The following TFDP1 variants were observed in gnomAD, a reference collection of about 807,000 sequenced individuals.
TFDP1 encodes DRTF1-polypeptide 1.
A neutral mutation model predicts 48.0 loss-of-function variants in TFDP1; 6 were observed. That is an observed-to-expected ratio of 0.13 (90% confidence interval 0.07 to 0.25). The LOEUF is 0.25. TFDP1 is among the 10% of genes least tolerant of loss of function. The probability of loss-of-function intolerance (pLI) is 1.00; values close to 1 mark genes in which losing one functional copy is unlikely to be tolerated. For missense variants in TFDP1, 335 were observed against 543.0 expected (o/e 0.62, Z 3.81); for synonymous variants, 201 against 211.6 (o/e 0.95, Z 0.44).
intron 2 of TFDP1, among the ~76,000 whole-genome samples, chr13:113,591,475 C>T (rs1461963781): frequency 6.6e-6 from 1 of 151,900 alleles, no homozygotes; most frequent in African/African-American, 2.4e-5. Flanking sequence ...TTTGTTAGCT[C>T]TTTACTTTTG....
rs959854755 is a variant in TFDP1 at position 113,638,117 on chromosome 13, T to G, written c.1085+221T>G. On this transcript the variant is annotated intron_variant, in intron 11 of 11. Coordinates refer to ENST00000375370, the MANE Select transcript of TFDP1 (RefSeq NM_007111.5). ...AAAAACTGAAAGTAATACATGGTGG[T>G]TTTTTTTTCATAGTATCACCTAATA... Among the ~76,000 whole-genome samples the G allele has an allele frequency of 7.9e-5, 12 of 151,498 alleles. No individual in the cohort carries two copies. The East Asian group carries it at 1.2e-3, about 15-fold the overall frequency.
intron 2 of TFDP1, among the ~76,000 whole-genome samples, chr13:113,593,487 C>T (rs1471690913): frequency 2.9e-5 from 4 of 137,306 alleles, no homozygotes; most frequent in Admixed American, 1.5e-4. Context: ...GGTCCTCAGC[C>T]GTGCCCAGGT....
intron 4 of TFDP1, 148 bp from the exon 5 acceptor site, chr13:113,631,475 C>T: frequency 1.0e-6 from 1 of 989,856 alleles, no homozygotes; most frequent in South Asian, 2.5e-5. Context: ...AAAGCGTCCA[C>T]CGCTGGACGT....
chr13:113,634,068 CT>C lies in TFDP1; in HGVS notation c.618+37del, dbSNP rs752706373. Reference sequence around the variant, plus strand: ...CAGCCTTCCTTCAACCTTGATTTCCCTTCAAGTCCGTGTAGATGTTTTAGTC... The same window carrying C: ...CAGCCTTCCTTCAACCTTGATTTCCCTCAAGTCCGTGTAGATGTTTTAGTC... On this transcript the variant is annotated intron_variant, in intron 7 of 11. Transcript: ENST00000375370. The C allele has an allele frequency of 6.2e-6, 10 of 1,613,836 alleles. No individual in the cohort carries two copies. The African/African-American group carries it at 1.3e-4, about 22-fold the overall frequency.
intron 2 of TFDP1, among the ~76,000 whole-genome samples, chr13:113,587,689 G>A (rs1177779137): frequency 6.6e-6 from 1 of 152,024 alleles, no homozygotes; most frequent in Non-Finnish European, 1.5e-5. Flanking sequence ...GTTTCACCAT[G>A]TTGCCCAGGC....
rs573377111 is a variant in TFDP1 at position 113,634,986 on chromosome 13, CAGAT to C, written c.687+385_687+388del. On this transcript the variant is annotated intron_variant, in intron 8 of 11. Coordinates refer to ENST00000375370, the MANE Select transcript of TFDP1 (RefSeq NM_007111.5). ...TCACAGCATCTAAATAGGCAAAAGA[CAGAT>C]GGAGGGATGACTTCATGCAAAAGCA... Among the ~76,000 whole-genome samples, 236 of 152,344 alleles carry C rather than the reference CAGAT, an allele frequency of 1.5e-3. 1 individual carries two copies. The highest frequency in any genetic ancestry group is 5.3e-3 in the African/African-American group (222 of 41,580).
At chr13:113,632,984 G>C in intron 5 of TFDP1, 136 bp from the exon 6 acceptor site, 1 of 1,071,524 alleles carries the variant, frequency 9.3e-7, no homozygotes, top group Non-Finnish European at 1.3e-6. Context: ...CTGCTCACGT[G>C]TTGGATCTGC....
At chr13:113,626,106 T>C (rs1412113194) in intron 4 of TFDP1, among the ~76,000 whole-genome samples, 2 of 143,988 alleles carry the variant, frequency 1.4e-5, no homozygotes, top group Non-Finnish European at 3.0e-5. Flanking sequence ...CTCAGGTGTC[T>C]CTCACGTGTC....
At chr13:113,597,669 T>A (rs2048318914) in intron 2 of TFDP1, among the ~76,000 whole-genome samples, 1 of 151,894 alleles carries the variant, frequency 6.6e-6, no homozygotes, top group Non-Finnish European at 1.5e-5. Context: ...TTCAAAAGAG[T>A]GAACATAAGG....
At chr13:113,602,750 G>A (rs1056453322) in intron 2 of TFDP1, among the ~76,000 whole-genome samples, 3 of 152,112 alleles carry the variant, frequency 2.0e-5, no homozygotes, top group African/African-American at 4.8e-5. Flanking sequence ...AGAAGTGTGC[G>A]GCCCTGGCGT....
intron 2 of TFDP1, among the ~76,000 whole-genome samples, chr13:113,604,257 G>A (rs1404885821): frequency 6.6e-6 from 1 of 152,056 alleles, no homozygotes; most frequent in African/African-American, 2.4e-5. Flanking sequence ...AATGCAAGGA[G>A]GACCCACATG....
chr13:113,640,246 C>T lies in TFDP1; in HGVS notation c.1212C>T (p.Asn404=), dbSNP rs765446587. 5.6e-6 allele frequency: 9 copies of T among 1,612,750 alleles called. No homozygotes were observed. The highest frequency in any genetic ancestry group is 5.5e-5 in the South Asian group (5 of 90,844). ...GEDDEEDDDF[N]ENDEDD ...ACGACGAGGAGGACGATGACTTCAA[C>T]GAGAATGACGAGGACGACTGACGTC... is the stretch of plus-strand genomic sequence containing the variant. Residue 404 remains asparagine, a synonymous_variant, in exon 12 of 12, where the codon AAC becomes AAT. Coordinates refer to ENST00000375370, the MANE Select transcript of TFDP1 (RefSeq NM_007111.5).
intron 2 of TFDP1, among the ~76,000 whole-genome samples, chr13:113,589,553 C>T (rs187460693): frequency 1.9e-4 from 29 of 152,318 alleles, no homozygotes; most frequent in East Asian, 3.9e-4. Flanking sequence ...GAACTGTCCT[C>T]GAAACATCTC....
At chr13:113,588,051 T>A (rs1162947550) in intron 2 of TFDP1, among the ~76,000 whole-genome samples, 1 of 152,204 alleles carries the variant, frequency 6.6e-6, no homozygotes, top group Non-Finnish European at 1.5e-5. Flanking sequence ...GGTTTCACCA[T>A]GTTGGCCAGG....
At chr13:113,634,274 T>C in intron 7 of TFDP1, 1 of 649,542 alleles carries the variant, frequency 1.5e-6, no homozygotes, top group South Asian at 1.8e-5. Context: ...GAATCCTAGT[T>C]TGTGGGATTT....
chr13:113,629,202 G>A (rs2049269414), intron 4 of TFDP1, among the ~76,000 whole-genome samples: 1 of 152,240 alleles, frequency 6.6e-6, no homozygotes, highest in Admixed American at 6.5e-5. Context: ...GCCCAGCACT[G>A]CATGGGCCGG....
chr13:113,632,961 A>G (rs1424819543), intron 5 of TFDP1, among the ~76,000 whole-genome samples, 159 bp from the exon 6 acceptor site: 1 of 152,116 alleles, frequency 6.6e-6, no homozygotes, highest in Non-Finnish European at 1.5e-5. Context: ...GGCTGGGGCT[A>G]GGGGGTCCTG....
rs371064271 is a variant in TFDP1, at chr13:113,636,485, C to A, written c.840-49C>A. On this transcript the variant is annotated intron_variant, in intron 9 of 11. Transcript: ENST00000375370. ...GTCCTGGCTCCACCCCAGTGTGTAC[C>A]GTCTCCGCTGGGAGACCCTGTCTTT... The A allele has an allele frequency of 3.3e-5, 53 of 1,593,246 alleles. No homozygotes were observed. The Middle Eastern group carries it at 9.0e-4, about 27-fold the overall frequency.
intron 3 of TFDP1, among the ~76,000 whole-genome samples, chr13:113,619,449 C>T (rs1266699201): frequency 7.7e-5 from 11 of 142,102 alleles, no homozygotes; most frequent in Non-Finnish European, 1.5e-4. Flanking sequence ...CCAGCCTGGG[C>T]GACACAGTGA....
Sources: gnomAD v4.1 joint callset for allele counts (sites outside exome capture counted in the v4.1 genomes callset) on GRCh38, gnomAD v4.1.1 for gene constraint, MANE v1.5 for transcripts, NCBI Gene and HGNC (gene_info 2026-07-23, HGNC 2026-07-21) for gene names.